CCDC102B: variants seen among roughly 807,000 people sequenced by gnomAD.
The protein encoded by CCDC102B is coiled-coil domain-containing protein 102B.
A neutral mutation model predicts 57.4 loss-of-function variants in CCDC102B; 75 were observed. The observed-to-expected ratio is 1.31, with a 90% CI of 1.08 to 1.58. The LOEUF (loss-of-function observed/expected upper bound fraction) is 1.58, where lower values mean the gene tolerates loss of function less well. Ranked by LOEUF, CCDC102B falls within the 40% of genes most tolerant of loss-of-function variation. The probability of loss-of-function intolerance (pLI) is 0.00; values close to 1 mark genes in which losing one functional copy is unlikely to be tolerated. For synonymous variants in CCDC102B, 206 were observed against 201.9 expected (o/e 1.02, Z -0.17); for missense variants, 636 against 582.6 (o/e 1.09, Z -0.94).
chr18:68,765,293 AAAGG>A (rs149557152), intron 2 of CCDC102B, among the ~76,000 whole-genome samples: 3,626 of 103,978 alleles, frequency 0.035, 151 homozygotes, highest in Non-Finnish European at 0.045. Flanking sequence ...GAAAAGAAAG[AAAGG>A]AAGGAAGGAA....
intron 6 of CCDC102B, among the ~76,000 whole-genome samples, chr18:68,985,947 T>C (rs2050711874): frequency 6.6e-6 from 1 of 152,164 alleles, no homozygotes; most frequent in Admixed American, 6.5e-5. Flanking sequence ...TGTTGGAGCA[T>C]GGCAAAGACC....
chr18:68,971,534 T>A (rs2050300216), intron 6 of CCDC102B, among the ~76,000 whole-genome samples: 1 of 152,166 alleles, frequency 6.6e-6, no homozygotes, highest in African/African-American at 2.4e-5. Flanking sequence ...TTATGATTTT[T>A]TTGAGAATGA....
At chr18:68,776,469 G>A (rs1444476562) in intron 2 of CCDC102B, among the ~76,000 whole-genome samples, 2 of 152,120 alleles carry the variant, frequency 1.3e-5, no homozygotes, top group Non-Finnish European at 2.9e-5. Context: ...ATACACCACG[G>A]AATACCATGC....
chr18:68,727,277 T>C (rs1303656329), intron 2 of CCDC102B, among the ~76,000 whole-genome samples: 5 of 152,210 alleles, frequency 3.3e-5, no homozygotes, highest in Non-Finnish European at 1.5e-5. Context: ...CCATGGTCAA[T>C]AGTGACTTCT....
At chr18:68,955,191 T>A (rs1225951242) in intron 6 of CCDC102B, among the ~76,000 whole-genome samples, 1 of 152,178 alleles carries the variant, frequency 6.6e-6, no homozygotes, top group Non-Finnish European at 1.5e-5. Context: ...AATTTATTCC[T>A]CTTGTAGTCA....
At chr18:68,988,236 T>C (rs1314412775) in intron 6 of CCDC102B, among the ~76,000 whole-genome samples, 3 of 152,054 alleles carry the variant, frequency 2.0e-5, no homozygotes, top group Non-Finnish European at 4.4e-5. Context: ...AAAACATGTT[T>C]TTTGCAGCAA....
intron 6 of CCDC102B, among the ~76,000 whole-genome samples, chr18:68,993,582 G>A (rs750273074): frequency 6.6e-6 from 1 of 152,076 alleles, no homozygotes; most frequent in Non-Finnish European, 1.5e-5. Context: ...TTAAATGACC[G>A]ATTTTATCCT....
chr18:68,779,463 A>C (rs985994785), intron 2 of CCDC102B, among the ~76,000 whole-genome samples: 6 of 152,168 alleles, frequency 3.9e-5, no homozygotes, highest in African/African-American at 1.2e-4. Flanking sequence ...TGAAGAAAAT[A>C]ATAAAGATTC....
chr18:69,005,203 G>C (rs555050604), intron 6 of CCDC102B, among the ~76,000 whole-genome samples: 1 of 152,084 alleles, frequency 6.6e-6, no homozygotes, highest in Non-Finnish European at 1.5e-5. Flanking sequence ...GTCAACTTTC[G>C]AGAAGAGAAA....
At chr18:68,879,518 A>C (rs572517645) in intron 5 of CCDC102B, among the ~76,000 whole-genome samples, 309 of 152,202 alleles carry the variant, frequency 2.0e-3, no homozygotes, top group Non-Finnish European at 1.8e-3. Context: ...CTAGACAGAA[A>C]GGTTCTCCAC....
chr18:68,870,512 A>T (rs547321110), intron 4 of CCDC102B, among the ~76,000 whole-genome samples: 1 of 152,314 alleles, frequency 6.6e-6, no homozygotes, highest in African/African-American at 2.4e-5. Flanking sequence ...TCTTAGAATG[A>T]GTTTGCCAAA....
chr18:68,922,655 T>C (rs1294957585), intron 6 of CCDC102B, among the ~76,000 whole-genome samples: 1 of 152,100 alleles, frequency 6.6e-6, no homozygotes, highest in Non-Finnish European at 1.5e-5. Context: ...CCATGCCTTC[T>C]GAAGCCTCAG....
At chr18:68,918,719 T>C (rs932378264) in intron 6 of CCDC102B, among the ~76,000 whole-genome samples, 1 of 152,180 alleles carries the variant, frequency 6.6e-6, no homozygotes, top group Admixed American at 6.5e-5. Flanking sequence ...TTTTCAACTA[T>C]GTCAACAAAT....
intron 7 of CCDC102B, among the ~76,000 whole-genome samples, chr18:69,027,186 A>T (rs576266099): frequency 2.0e-5 from 3 of 152,182 alleles, no homozygotes; most frequent in Non-Finnish European, 2.9e-5. Context: ...CTGGGCTCAC[A>T]GTGTCCTTAA....
Position 69,054,243 on chromosome 18 carries a change from G to T in CCDC102B, c.*106G>T. Reference sequence around the variant, plus strand: ...GTTTTTATTAACTAGAAATATTAATGAAAAAAACGTAGACAATACACAAAT... The same window carrying T: ...GTTTTTATTAACTAGAAATATTAATTAAAAAAACGTAGACAATACACAAAT... On this transcript the variant is annotated 3_prime_UTR_variant, in exon 8 of 8. Coordinates refer to ENST00000360242, the MANE Select transcript of CCDC102B (RefSeq NM_024781.3). 7.3e-7 allele frequency: 1 copy of T among 1,375,006 alleles called. No individual in the cohort carries two copies. The highest frequency in any genetic ancestry group is 9.4e-7 in the Non-Finnish European group (1 of 1,069,068). The allele number at this position is 1,375,006 out of a possible 1,614,324, so 85.2% of individuals were successfully genotyped here.
chr18:68,832,568 C>T (rs2037191316), intron 1 of CCDC102B, among the ~76,000 whole-genome samples: 1 of 151,960 alleles, frequency 6.6e-6, no homozygotes, highest in African/African-American at 2.4e-5. Flanking sequence ...GCTTCTGTTT[C>T]TAGTGATAGG....
chr18:68,840,365 A>G (rs1365625631), intron 3 of CCDC102B, among the ~76,000 whole-genome samples: 1 of 152,182 alleles, frequency 6.6e-6, no homozygotes, highest in South Asian at 2.1e-4. Flanking sequence ...GTTCTTTACC[A>G]CTTACTTTCT....
chr18:68,916,913 G>A (rs1254869388), intron 6 of CCDC102B, among the ~76,000 whole-genome samples: 1 of 152,214 alleles, frequency 6.6e-6, no homozygotes, highest in Non-Finnish European at 1.5e-5. Flanking sequence ...CAGGAGCCCT[G>A]TGTGGCTGGA....
chr18:68,724,836 C>T (rs544036857), intron 2 of CCDC102B, among the ~76,000 whole-genome samples: 10 of 152,312 alleles, frequency 6.6e-5, no homozygotes, highest in East Asian at 5.8e-4. Flanking sequence ...GTTCCAATGT[C>T]GCTTCCACAT....
Sources: allele counts gnomAD v4.1 joint callset (sites outside exome capture counted in the v4.1 genomes callset), GRCh38; gene constraint gnomAD v4.1.1; transcripts MANE v1.5; gene names NCBI Gene and HGNC (gene_info 2026-07-23, HGNC 2026-07-21).